TFAP2D: variants seen among roughly 807,000 people sequenced by gnomAD.
TFAP2D encodes the protein transcription factor AP-2-delta.
Under a neutral mutation model 43.6 loss-of-function variants are expected in TFAP2D, and 9 were observed. That is an observed-to-expected ratio of 0.21 (90% CI 0.12 to 0.36). TFAP2D has a LOEUF of 0.36. Ranked by LOEUF, TFAP2D falls within the 10% of genes least tolerant of loss-of-function variation. The probability of loss-of-function intolerance (pLI) is 1.00; values close to 1 mark genes in which losing one functional copy is unlikely to be tolerated. For missense variants in TFAP2D, 513 were observed against 561.4 expected, an observed-to-expected ratio of 0.91 and a Z score of 0.87; for synonymous variants, 256 against 224.9, an observed-to-expected ratio of 1.14 and a Z score of -1.24.
chr6:50,752,393 C>T (rs1254719857), intron 7 of TFAP2D, among the ~76,000 whole-genome samples: 1 of 151,606 alleles, frequency 6.6e-6, no homozygotes, highest in Non-Finnish European at 1.5e-5. Context: ...AATTTTAATG[C>T]CTACATGATA....
chr6:50,720,324 T>C (rs1768697660), intron 3 of TFAP2D, among the ~76,000 whole-genome samples: 1 of 152,208 alleles, frequency 6.6e-6, no homozygotes, highest in African/African-American at 2.4e-5. Context: ...CTGCAGATTT[T>C]ACATCCCAAT....
At chr6:50,756,090 T>A (rs538731236) in intron 7 of TFAP2D, among the ~76,000 whole-genome samples, 2 of 152,110 alleles carry the variant, frequency 1.3e-5, no homozygotes, top group Non-Finnish European at 2.9e-5. Flanking sequence ...TTCAGCTTTG[T>A]AGGCTCAAGC....
intron 2 of TFAP2D, among the ~76,000 whole-genome samples, chr6:50,718,830 A>T (rs1426786917): frequency 6.6e-6 from 1 of 152,044 alleles, no homozygotes; most frequent in Non-Finnish European, 1.5e-5. Context: ...AAGATGAAAG[A>T]CTCCCAGGCA....
At chr6:50,717,978 C>T (rs1265325800) in intron 2 of TFAP2D, 2 of 152,168 alleles carry the variant, frequency 1.3e-5, no homozygotes, top group African/African-American at 2.4e-5. Flanking sequence ...GTTTGGAGGG[C>T]GGTCTAAGTC....
intron 6 of TFAP2D, among the ~76,000 whole-genome samples, chr6:50,747,550 T>G (rs1769142080): frequency 6.6e-6 from 1 of 152,112 alleles, no homozygotes; most frequent in South Asian, 2.1e-4. Context: ...AAACACTTCA[T>G]CTTGTCCTCC....
Position 50,732,696 on chromosome 6 carries a change from A to G in TFAP2D, c.883+3384A>G, listed in dbSNP as rs200303966. Among the ~76,000 whole-genome samples the G allele has an allele frequency of 2.2e-4, 34 of 152,120 alleles. No homozygotes were observed. The East Asian group carries it at 3.7e-3, about 16-fold the overall frequency. Reference sequence around the variant, plus strand: ...AGGCTTTCCACACAGAGATGATGTAATCTTTGTGAAGAGCCAATCAATGAA... The same window carrying G: ...AGGCTTTCCACACAGAGATGATGTAGTCTTTGTGAAGAGCCAATCAATGAA... On this transcript the variant is annotated intron_variant, in intron 5 of 7. Transcript: ENST00000008391.
intron 7 of TFAP2D, among the ~76,000 whole-genome samples, chr6:50,756,346 G>C (rs1205975099): frequency 6.6e-6 from 1 of 151,926 alleles, no homozygotes; most frequent in African/African-American, 2.4e-5. Flanking sequence ...AAGTGAAGAG[G>C]GAGTGTAATT....
chr6:50,768,160 CAA>C (rs1483721689), intron 7 of TFAP2D, among the ~76,000 whole-genome samples: 1 of 150,468 alleles, frequency 6.6e-6, no homozygotes, highest in Non-Finnish European at 1.5e-5. Flanking sequence ...TCTCTATTGT[CAA>C]AGAGTTTGAA....
At chr6:50,768,236 T>C (rs1377374855) in intron 7 of TFAP2D, among the ~76,000 whole-genome samples, 8 of 151,012 alleles carry the variant, frequency 5.3e-5, no homozygotes, top group Non-Finnish European at 1.2e-4. Flanking sequence ...TTTTTTCCTG[T>C]CTAGGATCAA....
intron 5 of TFAP2D, among the ~76,000 whole-genome samples, chr6:50,733,264 T>C (rs1768917996): frequency 6.6e-6 from 1 of 152,092 alleles, no homozygotes; most frequent in South Asian, 2.1e-4. Context: ...TTAATTTCTT[T>C]TTCAACTCAT....
At chr6:50,769,346 C>T (rs544335960) in intron 7 of TFAP2D, among the ~76,000 whole-genome samples, 8 of 152,324 alleles carry the variant, frequency 5.3e-5, no homozygotes, top group African/African-American at 1.9e-4. Flanking sequence ...GGCTAAATAA[C>T]TTCCTCCAAA....
intron 5 of TFAP2D, among the ~76,000 whole-genome samples, chr6:50,736,579 C>A (rs1232928006): frequency 1.3e-5 from 2 of 152,006 alleles, no homozygotes; most frequent in African/African-American, 4.8e-5. Context: ...TAGAGTATAT[C>A]TTTTAAAATT....
At chr6:50,769,142 C>T (rs1769486843) in intron 7 of TFAP2D, among the ~76,000 whole-genome samples, 1 of 152,114 alleles carries the variant, frequency 6.6e-6, no homozygotes, top group African/African-American at 2.4e-5. Flanking sequence ...GGTCTACCTG[C>T]CTTGGCCTCC....
Position 50,754,932 on chromosome 6 carries a change from G to A in TFAP2D, c.1139+3608G>A, listed in dbSNP as rs554549715. ...ACATTTCTTTATTAGTCTGTTGATT[G>A]TGTCTTTGGTACATAGTTTTAAATT... On this transcript the variant is annotated intron_variant, in intron 7 of 7. Coordinates refer to ENST00000008391, the MANE Select transcript of TFAP2D (RefSeq NM_172238.4). Among the ~76,000 whole-genome samples the A allele has an allele frequency of 6.7e-4, 102 of 151,864 alleles. 1 individual carries two copies. In the South Asian group the frequency reaches 0.021, roughly 31 times the overall value.
At chr6:50,714,149 CGGCGGTGGCGGCGGT>C in intron 1 of TFAP2D, 55 bp downstream of exon 1, 2 of 1,509,116 alleles carry the variant, frequency 1.3e-6, no homozygotes, top group South Asian at 1.2e-5. Flanking sequence ...GTGGCGGCGG[CGGCGGTGGCGGCGGT>C]GGCGGCGGCG....
At chr6:50,747,236 G>A (rs1581771405) in intron 6 of TFAP2D, among the ~76,000 whole-genome samples, 1 of 152,032 alleles carries the variant, frequency 6.6e-6, no homozygotes, top group Non-Finnish European at 1.5e-5. Context: ...TCCAAAAGGA[G>A]CTGAAAGCAC....
chr6:50,749,694 G>A (rs1190058170), intron 6 of TFAP2D, among the ~76,000 whole-genome samples: 2 of 151,702 alleles, frequency 1.3e-5, no homozygotes, highest in Non-Finnish European at 2.9e-5. Context: ...TTAAAATATG[G>A]GCAATACACC....
chr6:50,719,380 TG>T (rs1768679062), intron 3 of TFAP2D, among the ~76,000 whole-genome samples: 1 of 151,732 alleles, frequency 6.6e-6, no homozygotes, highest in South Asian at 2.1e-4. Context: ...AGATATTTGT[TG>T]CTCCTCACAG....
intron 6 of TFAP2D, 90 bp downstream of exon 6, chr6:50,745,338 C>T (rs1437478759): frequency 1.9e-6 from 3 of 1,545,912 alleles, no homozygotes; most frequent in Admixed American, 4.1e-5. Context: ...CTAGAAGGCA[C>T]CCGTTCTCTA....
Sources: gnomAD v4.1 joint callset for allele counts (sites outside exome capture counted in the v4.1 genomes callset) on GRCh38, gnomAD v4.1.1 for gene constraint, MANE v1.5 for transcripts, NCBI Gene and HGNC (gene_info 2026-07-23, HGNC 2026-07-21) for gene names.